PPARA: variants seen among roughly 807,000 people sequenced by gnomAD.
PPARA encodes peroxisome proliferator activated receptor alpha.
In PPARA, 22 loss-of-function variants were observed where a neutral mutation model predicts 42.2. The observed-to-expected ratio is 0.52, with a 90% CI of 0.37 to 0.74. PPARA has a LOEUF of 0.74. PPARA is among the 30% of genes least tolerant of loss of function. The probability of loss-of-function intolerance (pLI) is 0.00; values close to 1 mark genes in which losing one functional copy is unlikely to be tolerated. For synonymous variants in PPARA, 242 were observed against 239.3 expected (o/e 1.01, Z -0.10); for missense variants, 465 against 608.2 (o/e 0.76, Z 2.48).
In PPARA at chr22:46,173,172, C is replaced by T. The variant is rs1006534731; in HGVS notation, c.-126-3581C>T. On this transcript the variant is annotated intron_variant, in intron 2 of 8. Transcript: ENST00000407236. This position sits in a 1 kb window ranked among gnomAD's most constrained non-coding sequence, Gnocchi z 4.3. ...TGAATTATGTTGAGTTGCTTAAAGTCATGCTATCGGGTAGATGTTGTGGCT... is the reference window on the plus strand; with the variant it reads ...TGAATTATGTTGAGTTGCTTAAAGTTATGCTATCGGGTAGATGTTGTGGCT... Among the ~76,000 whole-genome samples, 8 of 152,208 alleles carry T rather than the reference C, an allele frequency of 5.3e-5. No homozygotes were observed. The highest frequency in any genetic ancestry group is 1.9e-4 in the African/African-American group (8 of 41,450).
chr22:46,228,161 C>T (rs1204645624), intron 7 of PPARA, among the ~76,000 whole-genome samples: 2 of 152,248 alleles, frequency 1.3e-5, no homozygotes, highest in African/African-American at 4.8e-5. Flanking sequence ...AGCTGTTTAA[C>T]GATGCCCCCA....
At chr22:46,215,613 G>A (rs1332250666) in intron 5 of PPARA, among the ~76,000 whole-genome samples, 1 of 151,912 alleles carries the variant, frequency 6.6e-6, no homozygotes, top group African/African-American at 2.4e-5. Context: ...GTGGTGGTGG[G>A]CGCCTGTAAG....
intron 4 of PPARA, among the ~76,000 whole-genome samples, chr22:46,201,788 A>G (rs1932852364): frequency 6.6e-6 from 1 of 152,104 alleles, no homozygotes; most frequent in African/African-American, 2.4e-5. Context: ...ACAATGTGGG[A>G]CCTTTCTTCA....
rs1245234781 is a variant in PPARA, at chr22:46,204,535, G to A, written c.208+5944G>A. On this transcript the variant is annotated intron_variant, in intron 4 of 8. Transcript: ENST00000407236. This position sits in a 1 kb window ranked among gnomAD's most constrained non-coding sequence, Gnocchi z 5.2. ...CCATACCCTCATCAACATGAGGCAT[G>A]ATCAGTCTTTTTAATTTTAACCATG... 3.3e-5 allele frequency among the ~76,000 whole-genome samples: 5 copies of A among 152,182 alleles called. No individual in the cohort carries two copies. The East Asian group carries it at 9.6e-4, about 29-fold the overall frequency.
chr22:46,168,796 G>A (rs1927522828), intron 2 of PPARA, among the ~76,000 whole-genome samples: 1 of 151,994 alleles, frequency 6.6e-6, no homozygotes. Context: ...GTATGCGTAA[G>A]AATGTGGAAT....
chr22:46,151,162 G>C (rs1924360305), intron 1 of PPARA: 1 of 152,316 alleles, frequency 6.6e-6, no homozygotes, highest in African/African-American at 2.4e-5. Context: ...CCGGGCCCCG[G>C]ACAGACCGAC....
intron 3 of PPARA, among the ~76,000 whole-genome samples, chr22:46,189,055 G>A (rs1931199410): frequency 6.6e-6 from 1 of 152,200 alleles, no homozygotes; most frequent in Admixed American, 6.5e-5. Context: ...GTCCCATCCT[G>A]TATCAGGTCA....
intron 2 of PPARA, among the ~76,000 whole-genome samples, chr22:46,159,969 C>T (rs1925905683): frequency 1.3e-5 from 2 of 152,096 alleles, no homozygotes; most frequent in African/African-American, 2.4e-5. Context: ...GTGTGTACAC[C>T]CAGAAGTAGT....
intron 3 of PPARA, among the ~76,000 whole-genome samples, chr22:46,179,971 A>G (rs1312959141): frequency 6.6e-6 from 1 of 152,240 alleles, no homozygotes; most frequent in African/African-American, 2.4e-5. Flanking sequence ...TCTCAATGTT[A>G]TCAGTCATCA....
chr22:46,179,885 T>C (rs2147255029), intron 3 of PPARA, among the ~76,000 whole-genome samples: 1 of 152,278 alleles, frequency 6.6e-6, no homozygotes, highest in East Asian at 1.9e-4. Context: ...TAACCCAGTT[T>C]TAAAAATGGG....
rs1451446885 is a variant in PPARA at position 46,231,719 on chromosome 22, C to T, written c.712-73C>T. 6.1e-6 allele frequency: 9 copies of T among 1,472,856 alleles called. No homozygotes were observed. The South Asian group carries it at 8.4e-5, about 14-fold the overall frequency. The allele number at this position is 1,472,856 out of a possible 1,614,324, so 91.2% of individuals were successfully genotyped here. A position where few individuals can be genotyped will look rare whatever the true frequency, so the allele number is the denominator to read the frequency against. ...TGGTGATTTGGACGCAGGAGCTGCT[C>T]ATTAGTGAGCTGATAGCTGGGAGCA... On this transcript the variant is annotated intron_variant, in intron 7 of 8. Transcript: ENST00000407236. This position sits in a 1 kb window ranked among gnomAD's most constrained non-coding sequence, Gnocchi z 7.7.
In PPARA at chr22:46,219,238, C is replaced by A. The variant is rs530689187; in HGVS notation, c.509-574C>A. 2.0e-4 allele frequency among the ~76,000 whole-genome samples: 30 copies of A among 152,262 alleles called. No individual in the cohort carries two copies. Among genetic ancestry groups the A allele is most frequent in the Admixed American group, 8.5e-4 (13 of 15,280 alleles). On this transcript the variant is annotated intron_variant, in intron 6 of 8. Transcript: ENST00000407236. This position sits in a 1 kb window ranked among gnomAD's most constrained non-coding sequence, Gnocchi z 4.8. The stretch of plus-strand genomic sequence containing the variant: ...GCATTGGACTCGCTGTTAGAAACTT[C>A]AGTGGTAAGACTTTGATACAGAATC...
At chr22:46,217,569 T>C (rs1486519804) in intron 5 of PPARA, among the ~76,000 whole-genome samples, 3 of 152,270 alleles carry the variant, frequency 2.0e-5, no homozygotes, top group East Asian at 3.9e-4. Flanking sequence ...CTTACAAAAA[T>C]TCTTAGAAAG....
rs1409562648 is a variant in PPARA, at chr22:46,243,085, A to G, written c.*7705A>G. 1 of 152,598 alleles carries G rather than the reference A, an allele frequency of 6.6e-6. No homozygotes were observed. Among genetic ancestry groups the G allele is most frequent in the Non-Finnish European group, 1.5e-5 (1 of 68,036 alleles). 9.5% of individuals were successfully genotyped at this position (152,598 alleles called of 1,614,324 possible). On this transcript the variant is annotated 3_prime_UTR_variant, in exon 9 of 9. Transcript: ENST00000407236. This position sits in a 1 kb window ranked among gnomAD's most constrained non-coding sequence, Gnocchi z 5.0. ...TTCTCTGGCATCCTCCAGGTGGCCCAACCCAAAGCAGAAAGCAGAAACCAC... is the reference window on the plus strand; with the variant it reads ...TTCTCTGGCATCCTCCAGGTGGCCCGACCCAAAGCAGAAAGCAGAAACCAC...
Position 46,231,023 on chromosome 22 carries a change from A to C in PPARA, c.712-769A>C, listed in dbSNP as rs1292721910. Among the ~76,000 whole-genome samples the C allele has an allele frequency of 6.6e-6, 1 of 152,150 alleles. No homozygotes were observed. Among genetic ancestry groups the C allele is most frequent in the Non-Finnish European group, 1.5e-5 (1 of 68,018 alleles). Reference sequence around the variant, plus strand: ...TAATGTCCTCGTTAGTTTTGTTTTGACAAAATCAGTACTTCAGTTTCTTGT... The same window carrying C: ...TAATGTCCTCGTTAGTTTTGTTTTGCCAAAATCAGTACTTCAGTTTCTTGT... On this transcript the variant is annotated intron_variant, in intron 7 of 8. Transcript: ENST00000407236. This position sits in a 1 kb window ranked among gnomAD's most constrained non-coding sequence, Gnocchi z 7.7.
At chr22:46,215,043 G>C (rs971184746) in intron 4 of PPARA, 130 bp from the exon 5 acceptor site, 12 of 1,140,248 alleles carry the variant, frequency 1.1e-5, no homozygotes. Context: ...GCCCGGCCCC[G>C]CATGGGTGTT....
rs1231804615 is a variant in PPARA, at chr22:46,192,695, G to C, written c.-42-5647G>C. Among the ~76,000 whole-genome samples, 1 of 152,170 alleles carries C rather than the reference G, an allele frequency of 6.6e-6. No individual in the cohort carries two copies. Among genetic ancestry groups the C allele is most frequent in the Admixed American group, 6.5e-5 (1 of 15,272 alleles). ...CTGCACTCTTGTTTGTTGCAACACTGTTTACAATAGCTAAGATTTGGAAGC... is the reference window on the plus strand; with the variant it reads ...CTGCACTCTTGTTTGTTGCAACACTCTTTACAATAGCTAAGATTTGGAAGC... On this transcript the variant is annotated intron_variant, in intron 3 of 8. Transcript: ENST00000407236. The surrounding 1 kb of genome is among the most constrained non-coding windows in gnomAD (Gnocchi z 4.3).
Position 46,235,763 on chromosome 22 carries a change from A to G in PPARA, c.*383A>G, listed in dbSNP as rs4253801. On this transcript the variant is annotated 3_prime_UTR_variant, in exon 9 of 9. Transcript: ENST00000407236. The surrounding 1 kb of genome is among the most constrained non-coding windows in gnomAD (Gnocchi z 7.0). ...CTTCCCATTCACCCCGCTTTTGACT[A>G]TTGTGCTCCTTTATAATTCTGAAAA... is the stretch of plus-strand genomic sequence containing the variant. 1,534 of 312,910 alleles carry G rather than the reference A, an allele frequency of 4.9e-3. 6 individuals carry two copies. Among genetic ancestry groups the G allele is most frequent in the Non-Finnish European group, 8.0e-3 (1,296 of 161,314 alleles). 19.4% of individuals were successfully genotyped at this position (312,910 alleles called of 1,614,324 possible).
chr22:46,172,892 T>G (rs1928320718), intron 2 of PPARA, among the ~76,000 whole-genome samples: 1 of 152,196 alleles, frequency 6.6e-6, no homozygotes, highest in Non-Finnish European at 1.5e-5. Flanking sequence ...AACGTGACTG[T>G]CTCCTTGAAA....
Sources: gnomAD v4.1 joint callset for allele counts (sites outside exome capture counted in the v4.1 genomes callset) on GRCh38, gnomAD v4.1.1 for gene constraint, Gnocchi (gnomAD v3.1) non-coding constraint, MANE v1.5 for transcripts, NCBI Gene and HGNC (gene_info 2026-07-23, HGNC 2026-07-21) for gene names.